Variants in FBXL7 observed in about 807,000 individuals in gnomAD.
The protein encoded by FBXL7 is F-box/LRR-repeat protein 7.
A neutral mutation model predicts 38.3 loss-of-function variants in FBXL7; 12 were observed. The ratio of observed to expected loss-of-function variants is 0.31; its 90% CI spans 0.20 to 0.51. The LOEUF is 0.51. FBXL7 is among the 20% of genes least tolerant of loss of function. The probability of loss-of-function intolerance (pLI) is 0.98; values close to 1 mark genes in which losing one functional copy is unlikely to be tolerated. For synonymous variants in FBXL7, 297 were observed against 300.9 expected (o/e 0.99, Z 0.13); for missense variants, 567 against 676.4 (o/e 0.84, Z 1.79).
At chr5:15,863,578 T>C (rs1459458902) in intron 2 of FBXL7, among the ~76,000 whole-genome samples, 2 of 152,168 alleles carry the variant, frequency 1.3e-5, no homozygotes, top group African/African-American at 2.4e-5. Flanking sequence ...TTGCTGTCTC[T>C]TATGGTTTGG....
intron 1 of FBXL7, among the ~76,000 whole-genome samples, chr5:15,578,633 T>G (rs1739041104): frequency 6.6e-6 from 1 of 152,168 alleles, no homozygotes; most frequent in Non-Finnish European, 1.5e-5. Context: ...CCCCCCGTGA[T>G]GCTACAAGGG....
chr5:15,707,173 C>CTTTTTTT (rs1743708795), intron 2 of FBXL7, among the ~76,000 whole-genome samples: 1 of 39,174 alleles, frequency 2.6e-5, no homozygotes, highest in African/African-American at 8.1e-5. Context: ...TTTTTCTTTT[C>CTTTTTTT]GTTTTTTTTT....
intron 2 of FBXL7, among the ~76,000 whole-genome samples, chr5:15,656,887 G>A (rs905781446): frequency 2.6e-5 from 4 of 152,030 alleles, no homozygotes; most frequent in Non-Finnish European, 5.9e-5. Flanking sequence ...AATGACTTAT[G>A]TAAATTGTAG....
At chr5:15,594,490 C>T (rs1739566062) in intron 1 of FBXL7, among the ~76,000 whole-genome samples, 1 of 152,172 alleles carries the variant, frequency 6.6e-6, no homozygotes, top group African/African-American at 2.4e-5. Flanking sequence ...ACCAGACAGT[C>T]TGAATTCCTG....
At chr5:15,586,503 A>G (rs1053275245) in intron 1 of FBXL7, among the ~76,000 whole-genome samples, 8 of 151,958 alleles carry the variant, frequency 5.3e-5, no homozygotes, top group African/African-American at 1.9e-4. Context: ...GAAAGCTGAA[A>G]ACAAGGTTAT....
At chr5:15,877,655 A>C (rs761451686) in intron 2 of FBXL7, among the ~76,000 whole-genome samples, 10 of 152,154 alleles carry the variant, frequency 6.6e-5, no homozygotes, top group Non-Finnish European at 1.2e-4. Context: ...GAAATTAATA[A>C]AGCAAAGAGA....
rs553213847 is a variant in FBXL7 at position 15,786,115 on chromosome 5, A to T, written c.128-141775A>T. Among the ~76,000 whole-genome samples, 104 of 152,346 alleles carry T rather than the reference A, an allele frequency of 6.8e-4. 2 individuals carry two copies. Among genetic ancestry groups the T allele is most frequent in the African/African-American group, 2.4e-3 (100 of 41,572 alleles). ...TCTAAATCATTTTTTCTGCTAGTGC[A>T]AGTGCTACTAAATATATTGGGTCAT... is the stretch of plus-strand genomic sequence containing the variant. On this transcript the variant is annotated intron_variant, in intron 2 of 3. Transcript: ENST00000504595.
intron 2 of FBXL7, among the ~76,000 whole-genome samples, chr5:15,738,042 C>T (rs1159087619): frequency 6.6e-6 from 1 of 152,110 alleles, no homozygotes; most frequent in Non-Finnish European, 1.5e-5. Context: ...GAAATCTGCT[C>T]CCAGGACTGG....
intron 2 of FBXL7, among the ~76,000 whole-genome samples, chr5:15,902,334 G>A (rs953459818): frequency 5.3e-5 from 8 of 152,304 alleles, no homozygotes; most frequent in Non-Finnish European, 5.9e-5. Context: ...AGTGCCAAAC[G>A]TTGCATCCGT....
intron 1 of FBXL7, among the ~76,000 whole-genome samples, chr5:15,546,841 G>A (rs1056407478): frequency 1.1e-4 from 16 of 152,176 alleles, no homozygotes; most frequent in African/African-American, 3.9e-4. Flanking sequence ...AGACAAGATG[G>A]GGCATTGAAA....
rs569237758 is a variant in FBXL7 at position 15,885,744 on chromosome 5, A to G, written c.128-42146A>G. Reference sequence around the variant, plus strand: ...TTTTTATTTTTTTGAGACAGGTCTCACTCTTCCATCCAGGCAGGCAGTGGT... The same window carrying G: ...TTTTTATTTTTTTGAGACAGGTCTCGCTCTTCCATCCAGGCAGGCAGTGGT... On this transcript the variant is annotated intron_variant, in intron 2 of 3. Coordinates refer to ENST00000504595, the MANE Select transcript of FBXL7 (RefSeq NM_012304.5). Among the ~76,000 whole-genome samples, 15 of 151,954 alleles carry G rather than the reference A, an allele frequency of 9.9e-5. 1 individual carries two copies. The highest frequency in any genetic ancestry group is 3.6e-4 in the African/African-American group (15 of 41,416).
intron 1 of FBXL7, among the ~76,000 whole-genome samples, chr5:15,569,441 G>T (rs1738693687): frequency 6.6e-6 from 1 of 151,486 alleles, no homozygotes; most frequent in South Asian, 2.1e-4. Flanking sequence ...CATTGATTTT[G>T]TATCCTGAGA....
chr5:15,613,864 C>T (rs60776566), intron 1 of FBXL7, among the ~76,000 whole-genome samples: 24,123 of 152,040 alleles, frequency 0.16, 2,020 homozygotes, highest in Non-Finnish European at 0.18. Context: ...TTCTGGAGAC[C>T]GACAAGTCAA....
At chr5:15,727,811 G>A (rs532132613) in intron 2 of FBXL7, among the ~76,000 whole-genome samples, 2 of 152,230 alleles carry the variant, frequency 1.3e-5, no homozygotes, top group African/African-American at 2.4e-5. Context: ...TATTCTCGCT[G>A]ATTCTTTCTC....
At chr5:15,613,206 T>A (rs1740314000) in intron 1 of FBXL7, among the ~76,000 whole-genome samples, 1 of 152,204 alleles carries the variant, frequency 6.6e-6, no homozygotes. Flanking sequence ...AATTATAGAC[T>A]GAGCTGCTAG....
intron 2 of FBXL7, among the ~76,000 whole-genome samples, chr5:15,759,578 C>T (rs1243284423): frequency 6.6e-5 from 10 of 151,986 alleles, no homozygotes; most frequent in South Asian, 2.1e-4. Context: ...TTTAAATTTC[C>T]GGACTCGGTC....
intron 2 of FBXL7, among the ~76,000 whole-genome samples, chr5:15,901,468 T>G (rs1383369056): frequency 6.6e-6 from 1 of 152,202 alleles, no homozygotes; most frequent in Non-Finnish European, 1.5e-5. Context: ...ACATGAATTT[T>G]GCAAGGATAT....
chr5:15,796,038 C>G (rs1022495037), intron 2 of FBXL7, among the ~76,000 whole-genome samples: 1 of 152,200 alleles, frequency 6.6e-6, no homozygotes, highest in Non-Finnish European at 1.5e-5. Context: ...TGATTGCCTG[C>G]AGAGTAAATT....
intron 2 of FBXL7, among the ~76,000 whole-genome samples, chr5:15,752,722 C>T (rs1736185791): frequency 6.6e-6 from 1 of 152,124 alleles, no homozygotes; most frequent in African/African-American, 2.4e-5. Flanking sequence ...TTTTTTATTA[C>T]TTCATTTTAG....
Sources: gnomAD v4.1 joint callset for allele counts (sites outside exome capture counted in the v4.1 genomes callset) on GRCh38, gnomAD v4.1.1 for gene constraint, MANE v1.5 for transcripts, NCBI Gene and HGNC (gene_info 2026-07-23, HGNC 2026-07-21) for gene names.